The following MYO10 variants were observed in gnomAD, a reference collection of about 807,000 sequenced individuals.
MYO10 encodes myosin X, also known as unconventional myosin-X.
A neutral mutation model predicts 257.3 loss-of-function variants in MYO10; 133 were observed. The observed-to-expected ratio is 0.52, with a 90% confidence interval of 0.45 to 0.60. The LOEUF (loss-of-function observed/expected upper bound fraction) is 0.60, where lower values mean the gene tolerates loss of function less well. Among genes scored for constraint, MYO10 ranks in the 20% least tolerant of loss-of-function variants. The pLI is 0.00. For synonymous variants in MYO10, 1,104 were observed against 1,028.6 expected (o/e 1.07, Z -1.40); for missense variants, 2,399 against 2,635.7 (o/e 0.91, Z 1.97).
At chr5:16,780,659 C>A in intron 7 of MYO10, 51 bp from the exon 8 acceptor site, 2 of 1,547,282 alleles carry the variant, frequency 1.3e-6, no homozygotes, top group Non-Finnish European at 1.8e-6. Flanking sequence ...GTGCTTAATT[C>A]ACACAAACCA....
At position 16,826,611 on chromosome 5, in the gene MYO10, G is replaced by A. The variant is rs539193492; in HGVS notation, c.121-8444C>T. ...GAAGGAGCGGGCAAAGGGAGGCTGC[G>A]TGTGCGTTCTCCATGTTTTATGACA... On this transcript the variant is annotated intron_variant, in intron 2 of 40. Coordinates refer to ENST00000513610, the MANE Select transcript of MYO10 (RefSeq NM_012334.3). Among the ~76,000 whole-genome samples, 16 of 152,300 alleles carry A rather than the reference G, an allele frequency of 1.1e-4. 1 individual carries two copies. The South Asian group carries it at 1.7e-3, about 16-fold the overall frequency.
In MYO10 at chr5:16,666,717, G is replaced by A. The variant is rs751966854; in HGVS notation, c.6152C>T (p.Ala2051Val). The stretch of plus-strand genomic sequence containing the variant: ...TCACCTGGAGCTGCCCTGGCTGCTG[G>A]CGGAGCGTGTCGTGCTGTAGCGCTT... ...VKKRYSTTRS[A>V]SSQGSSR Residue 2051 changes from alanine to valine, a missense_variant, in exon 41 of 41, where the codon GCC (alanine) becomes GTC (valine). Physicochemically the swap from Ala to Val is moderately conservative, Grantham distance 64. Transcript: ENST00000513610. 8 of 1,605,670 alleles carry A rather than the reference G, an allele frequency of 5.0e-6. No homozygotes were observed. The highest frequency in any genetic ancestry group is 1.1e-5 in the South Asian group (1 of 89,422).
chr5:16,816,039 G>C (rs1194836693), intron 3 of MYO10, among the ~76,000 whole-genome samples: 2 of 136,524 alleles, frequency 1.5e-5, no homozygotes, highest in African/African-American at 5.5e-5. Context: ...CTTTCACAGT[G>C]TAAAAAAAAA....
intron 2 of MYO10, among the ~76,000 whole-genome samples, chr5:16,860,151 AAAAAG>A (rs1483466120): frequency 6.6e-6 from 1 of 152,184 alleles, no homozygotes; most frequent in Non-Finnish European, 1.5e-5. Context: ...TTTTAGACAC[AAAAAG>A]AAAAGAGGGC....
Position 16,665,344 on chromosome 5 carries a change from AAC to A in MYO10, c.*1346_*1347del, listed in dbSNP as rs1260550569. On this transcript the variant is annotated 3_prime_UTR_variant, in exon 41 of 41. Coordinates refer to ENST00000513610, the MANE Select transcript of MYO10 (RefSeq NM_012334.3). The stretch of plus-strand genomic sequence containing the variant: ...TTGTCAGAACTTCTGTGAGCCAACA[AAC>A]AGTTTTGCATGGTTGTACACAAAGG... The A allele has an allele frequency of 2.0e-5, 3 of 152,180 alleles. No homozygotes were observed. Among genetic ancestry groups the A allele is most frequent in the Non-Finnish European group, 2.9e-5 (2 of 68,036 alleles). 9.4% of individuals were successfully genotyped at this position (152,180 alleles called of 1,614,324 possible).
chr5:16,703,123 A>C lies in MYO10; in HGVS notation c.2312T>G (p.Ile771Arg). 2 of 1,596,710 alleles carry C rather than the reference A, an allele frequency of 1.3e-6. No homozygotes were observed. The highest frequency in any genetic ancestry group is 1.1e-5 in the South Asian group (1 of 87,692). ...GAATGCTCTGTAATTCTTCTGTATT[A>C]TCACCACACAATAAAGGACCTTTCT... ...QYRKVLYCVV[I>R]IQKNYRAFLL... Residue 771 changes from isoleucine (I) to arginine (R), a missense_variant, in exon 23 of 41, where the codon ATA (isoleucine) becomes AGA (arginine). This residue lies in a region of MYO10 where 1,820 missense variants were observed against 1,939.4 expected (regional missense o/e 0.94). Transcript: ENST00000513610.
At chr5:16,812,770 A>T (rs942124646) in intron 3 of MYO10, among the ~76,000 whole-genome samples, 3 of 152,122 alleles carry the variant, frequency 2.0e-5, no homozygotes, top group African/African-American at 7.3e-5. Context: ...ACTTTAAAAC[A>T]TCCCTGTTAA....
intron 12 of MYO10, 92 bp downstream of exon 12, chr5:16,764,157 AG>A (rs1740800533): frequency 1.0e-5 from 14 of 1,343,322 alleles, no homozygotes; most frequent in East Asian, 2.5e-5. Flanking sequence ...AAAAAAAAAA[AG>A]AAAAAAAAAG....
intron 19 of MYO10, among the ~76,000 whole-genome samples, chr5:16,741,066 G>A (rs1024140547): frequency 6.6e-6 from 1 of 152,128 alleles, no homozygotes; most frequent in Admixed American, 6.5e-5. Context: ...CCCTTCCAGG[G>A]CACATTTAGC....
At chr5:16,877,468 C>T (rs1744633962) in intron 2 of MYO10, 141 bp downstream of exon 2, 1 of 634,928 alleles carries the variant, frequency 1.6e-6, no homozygotes, top group Non-Finnish European at 2.8e-6. Flanking sequence ...ATTCTACATT[C>T]CCACTGGGAT....
chr5:16,733,298 A>G (rs1321876638), intron 19 of MYO10, among the ~76,000 whole-genome samples: 2 of 152,102 alleles, frequency 1.3e-5, no homozygotes, highest in African/African-American at 4.8e-5. Context: ...AAATCACCCC[A>G]CCCCATCATC....
chr5:16,748,139 G>C (rs13166444), intron 19 of MYO10, among the ~76,000 whole-genome samples: 1 of 151,834 alleles, frequency 6.6e-6, no homozygotes, highest in Admixed American at 6.6e-5. Context: ...GTGCGATCTC[G>C]GCTCACTGCA....
intron 27 of MYO10, among the ~76,000 whole-genome samples, chr5:16,690,587 C>A (rs1737454862): frequency 6.6e-6 from 1 of 152,106 alleles, no homozygotes. Context: ...GGGCAGCAGC[C>A]CCCACTCCTG....
chr5:16,762,109 T>C lies in MYO10; in HGVS notation c.1592A>G (p.Asn531Ser). ...AACTCTGGGCTTCACATAAAAGTGG[T>C]TATTCTAAAAAAAAAAAAAAAAAAA... ...LEKLHSQHAN[N>S]HFYVKPRVAV... Residue 531 changes from asparagine (N) to serine (S), a missense_variant, in exon 16 of 41, where the codon AAC (asparagine) becomes AGC (serine). Transcript: ENST00000513610. 3 of 1,408,946 alleles carry C rather than the reference T, an allele frequency of 2.1e-6. No individual in the cohort carries two copies. Among genetic ancestry groups the C allele is most frequent in the Non-Finnish European group, 2.8e-6 (3 of 1,078,058 alleles). The allele number at this position is 1,408,946 out of a possible 1,614,324, so 87.3% of individuals were successfully genotyped here. A position where few individuals can be genotyped will look rare whatever the true frequency, so the allele number is the denominator to read the frequency against.
chr5:16,881,418 T>C (rs550419678), intron 1 of MYO10, among the ~76,000 whole-genome samples: 161 of 152,298 alleles, frequency 1.1e-3, no homozygotes, highest in Non-Finnish European at 1.7e-3. Context: ...TGCTTTATGA[T>C]CAAATACACA....
chr5:16,720,689 A>C (rs1381650140), intron 19 of MYO10, among the ~76,000 whole-genome samples: 1 of 152,156 alleles, frequency 6.6e-6, no homozygotes, highest in Non-Finnish European at 1.5e-5. Flanking sequence ...CCACCTCCTG[A>C]TCTTGTGATC....
In MYO10 at chr5:16,694,356, G is replaced by A. The variant is rs1737636829; in HGVS notation, c.3800+15C>T. The stretch of plus-strand genomic sequence containing the variant: ...TGAGCAACCCATCGGGCCACAGCCA[G>A]GCTTAGCAACCTACTTTGCCGTTCG... On this transcript the variant is annotated intron_variant, in intron 27 of 40. Coordinates refer to ENST00000513610, the MANE Select transcript of MYO10 (RefSeq NM_012334.3). 6 of 1,613,812 alleles carry A rather than the reference G, an allele frequency of 3.7e-6. No homozygotes were observed. The highest frequency in any genetic ancestry group is 1.7e-5 in the Admixed American group (1 of 60,020).
intron 19 of MYO10, among the ~76,000 whole-genome samples, chr5:16,719,270 G>A (rs1283614890): frequency 3.9e-5 from 6 of 152,100 alleles, no homozygotes; most frequent in East Asian, 1.9e-4. Flanking sequence ...CACTCACCGC[G>A]AGGGTCCGCG....
chr5:16,889,188 T>TAA (rs1561040761), intron 1 of MYO10, among the ~76,000 whole-genome samples: 1 of 136,106 alleles, frequency 7.3e-6, no homozygotes, highest in South Asian at 2.3e-4. Flanking sequence ...TTAAAAAAAT[T>TAA]TAAAAAAAAA....
Sources: gnomAD v4.1 joint callset for allele counts (sites outside exome capture counted in the v4.1 genomes callset) on GRCh38, gnomAD v4.1.1 for gene constraint, gnomAD v4.1.1 regional missense constraint, MANE v1.5 for transcripts, NCBI Gene and HGNC (gene_info 2026-07-23, HGNC 2026-07-21) for gene names.